Variants in DIP2B observed in about 807,000 individuals in gnomAD.
DIP2B encodes DIP2 acetate--CoA ligase B (putative), also known as disco-interacting protein 2 homolog B.
A neutral mutation model predicts 198.0 loss-of-function variants in DIP2B; 76 were observed. That is an observed-to-expected ratio of 0.38 (90% CI 0.32 to 0.46). The LOEUF (loss-of-function observed/expected upper bound fraction) is 0.46. Among genes scored for constraint, DIP2B ranks in the 20% least tolerant of loss-of-function variants. DIP2B has a pLI of 0.99. For synonymous variants in DIP2B, 701 were observed against 739.1 expected (o/e 0.95, Z 0.84); for missense variants, 1,559 against 1,978.4 (o/e 0.79, Z 4.02).
chr12:50,739,969 AG>A (rs1192318914), intron 36 of DIP2B, among the ~76,000 whole-genome samples: 11 of 152,168 alleles, frequency 7.2e-5, no homozygotes, highest in Non-Finnish European at 1.2e-4. Flanking sequence ...ATTCCCTGAG[AG>A]GGGCGTCAGT....
intron 3 of DIP2B, among the ~76,000 whole-genome samples, chr12:50,650,802 C>T (rs1054739541): frequency 6.6e-6 from 1 of 152,068 alleles, no homozygotes; most frequent in South Asian, 2.1e-4. Flanking sequence ...ATCCTGTTTT[C>T]GGTTTATTTG....
At chr12:50,548,747 A>G (rs926599129) in intron 1 of DIP2B, among the ~76,000 whole-genome samples, 1 of 152,112 alleles carries the variant, frequency 6.6e-6, no homozygotes. Context: ...GCTGGTCTTG[A>G]ACTCCTGACC....
Position 50,732,484 on chromosome 12 carries a change from G to A in DIP2B, c.3929G>A (p.Arg1310Gln). ...KLFKDIGLSPRAVSTTFGSRV... is the reference protein window; with the variant it reads ...KLFKDIGLSPQAVSTTFGSRV... ...TTCAAAGACATCGGGCTGTCCCCGC[G>A]GGCTGTCAGCACCACTTTTGGATCA... Residue 1310 changes from arginine to glutamine, a missense_variant, in exon 32 of 38, where the codon CGG becomes CAG. Coordinates refer to ENST00000301180, the MANE Select transcript of DIP2B (RefSeq NM_173602.3). The A allele has an allele frequency of 6.2e-7, 1 of 1,614,164 alleles. No individual in the cohort carries two copies. The highest frequency in any genetic ancestry group is 8.5e-7 in the Non-Finnish European group (1 of 1,180,032).
chr12:50,576,732 C>T (rs1157062775), intron 1 of DIP2B, among the ~76,000 whole-genome samples: 5 of 141,692 alleles, frequency 3.5e-5, no homozygotes, highest in Non-Finnish European at 7.9e-5. Context: ...CTGCCCGCCT[C>T]GGCCTCTCAA....
chr12:50,704,623 C>T (rs1403941581), intron 20 of DIP2B, among the ~76,000 whole-genome samples: 1 of 152,156 alleles, frequency 6.6e-6, no homozygotes, highest in Non-Finnish European at 1.5e-5. Flanking sequence ...AGAGCATTTT[C>T]ATGTAAATGA....
At chr12:50,596,647 T>C (rs1184643862) in intron 1 of DIP2B, among the ~76,000 whole-genome samples, 3 of 152,186 alleles carry the variant, frequency 2.0e-5, no homozygotes, top group Non-Finnish European at 4.4e-5. Flanking sequence ...AGTGGATTAC[T>C]TGAGCCCAGG....
intron 13 of DIP2B, 46 bp from the exon 14 acceptor site, chr12:50,692,903 T>A: frequency 2.6e-6 from 4 of 1,555,234 alleles, no homozygotes; most frequent in Non-Finnish European, 3.5e-6. Flanking sequence ...TTTTGCTACT[T>A]AATACTAAAG....
chr12:50,605,431 G>A (rs766235495), intron 1 of DIP2B, among the ~76,000 whole-genome samples: 1 of 152,094 alleles, frequency 6.6e-6, no homozygotes, highest in Non-Finnish European at 1.5e-5. Context: ...ATGCAGGGTG[G>A]TGTGTGTCCG....
intron 1 of DIP2B, among the ~76,000 whole-genome samples, chr12:50,600,254 A>ATTTTT (rs1958923506): frequency 6.6e-6 from 1 of 152,208 alleles, no homozygotes; most frequent in African/African-American, 2.4e-5. Flanking sequence ...GTGATATCCA[A>ATTTTT]AACCATCCCT....
At chr12:50,552,101 T>C (rs1958431779) in intron 1 of DIP2B, among the ~76,000 whole-genome samples, 2 of 152,162 alleles carry the variant, frequency 1.3e-5, no homozygotes, top group Admixed American at 1.3e-4. Flanking sequence ...GATATCCTAA[T>C]GGTGTGAGGC....
chr12:50,660,343 C>T, intron 4 of DIP2B, 24 bp downstream of exon 4: 1 of 1,588,128 alleles, frequency 6.3e-7, no homozygotes, highest in Non-Finnish European at 8.6e-7. Context: ...AGCTTTTTCT[C>T]TCTGACAGTT....
At chr12:50,701,846 C>T (rs1241339289) in intron 19 of DIP2B, among the ~76,000 whole-genome samples, 1 of 152,128 alleles carries the variant, frequency 6.6e-6, no homozygotes, top group African/African-American at 2.4e-5. Context: ...AATGGAAATA[C>T]TAATGCTGTT....
intron 12 of DIP2B, among the ~76,000 whole-genome samples, chr12:50,687,824 A>C (rs1939157292): frequency 6.6e-6 from 1 of 151,950 alleles, no homozygotes; most frequent in South Asian, 2.1e-4. Flanking sequence ...AGGTACAGCA[A>C]ATCACCATGG....
chr12:50,742,169 G>A (rs1283520555), intron 37 of DIP2B, among the ~76,000 whole-genome samples: 1 of 151,810 alleles, frequency 6.6e-6, no homozygotes, highest in Non-Finnish European at 1.5e-5. Context: ...AGGCCAAGGC[G>A]GGCGGATCGC....
At chr12:50,637,717 G>A (rs935376336) in intron 2 of DIP2B, among the ~76,000 whole-genome samples, 8 of 152,120 alleles carry the variant, frequency 5.3e-5, no homozygotes, top group African/African-American at 1.9e-4. Context: ...GAACTATTAG[G>A]TTCCTTGGTT....
intron 2 of DIP2B, among the ~76,000 whole-genome samples, chr12:50,636,416 A>G (rs771203410): frequency 6.6e-6 from 1 of 152,210 alleles, no homozygotes; most frequent in African/African-American, 2.4e-5. Context: ...TGGAATCACT[A>G]TGAATTGGAG....
At chr12:50,565,812 A>G (rs866678636) in intron 1 of DIP2B, among the ~76,000 whole-genome samples, 14 of 152,224 alleles carry the variant, frequency 9.2e-5, no homozygotes, top group African/African-American at 3.4e-4. Context: ...TAAAATTTGA[A>G]TGGAAAAATG....
chr12:50,688,387 C>T (rs1276007398), intron 12 of DIP2B, among the ~76,000 whole-genome samples: 1 of 152,142 alleles, frequency 6.6e-6, no homozygotes, highest in Non-Finnish European at 1.5e-5. Context: ...TAAGATGGCT[C>T]ATGCCTTTAA....
At position 50,734,067 on chromosome 12, in the gene DIP2B, C is replaced by A. The variant is rs139161418; in HGVS notation, c.3982-68C>A. On this transcript the variant is annotated intron_variant, in intron 32 of 37. Coordinates refer to ENST00000301180, the MANE Select transcript of DIP2B (RefSeq NM_173602.3). ...TTTCATGTATATGGCTAAATTATTTCTTGGTTTGAAAATGTGAAATACAGT... is the reference window on the plus strand; with the variant it reads ...TTTCATGTATATGGCTAAATTATTTATTGGTTTGAAAATGTGAAATACAGT... 1,013 of 1,564,018 alleles carry A rather than the reference C, an allele frequency of 6.5e-4. 7 individuals carry two copies. In the African/African-American group the frequency reaches 0.012, roughly 18 times the overall value.
Sources: allele counts gnomAD v4.1 joint callset (sites outside exome capture counted in the v4.1 genomes callset), GRCh38; gene constraint gnomAD v4.1.1; transcripts MANE v1.5; gene names NCBI Gene and HGNC (gene_info 2026-07-23, HGNC 2026-07-21).